Variants in YY1AP1 observed in about 807,000 individuals in gnomAD.
The protein encoded by YY1AP1 is YY1 associated protein 1.
In YY1AP1, 43 loss-of-function variants were observed where a neutral mutation model predicts 39.9. The observed-to-expected ratio is 1.08, with a 90% CI of 0.84 to 1.39. YY1AP1 has a LOEUF of 1.39. YY1AP1 is among the 40% of genes most tolerant of loss of function. The pLI, the probability that YY1AP1 is intolerant of heterozygous loss-of-function variation, is 0.00. For synonymous variants in YY1AP1, 292 were observed against 331.3 expected, an observed-to-expected ratio of 0.88 and a Z score of 1.29; for missense variants, 813 against 900.7, an observed-to-expected ratio of 0.90 and a Z score of 1.25.
intron 5 of YY1AP1, among the ~76,000 whole-genome samples, chr1:155,675,502 T>G (rs1650515478): frequency 6.6e-6 from 1 of 151,978 alleles, no homozygotes; most frequent in Non-Finnish European, 1.5e-5. Flanking sequence ...TAATTTTTTG[T>G]TTTCGTAGAG....
intron 2 of YY1AP1, among the ~76,000 whole-genome samples, chr1:155,684,953 G>C (rs1652018303): frequency 6.6e-6 from 1 of 152,112 alleles, no homozygotes; most frequent in Admixed American, 6.5e-5. Flanking sequence ...TGGGTAGTCT[G>C]TCAAATAGCT....
chr1:155,660,139 C>A lies in YY1AP1; in HGVS notation c.1771G>T (p.Ala591Ser). 1.2e-6 allele frequency: 2 copies of A among 1,614,006 alleles called. No individual in the cohort carries two copies. The highest frequency in any genetic ancestry group is 1.7e-6 in the Non-Finnish European group (2 of 1,179,930). Residue 591 changes from alanine to serine, a missense_variant, in exon 11 of 11, where the codon GCC becomes TCC. Around this residue, in one of 3 missense-constraint regions of YY1AP1, gnomAD observed 586 missense variants for 647.4 expected, o/e 0.91. Transcript: ENST00000355499. The stretch of plus-strand genomic sequence containing the variant: ...GAAGTAGGGTTAACCAAGAGGGTGG[C>A]GATGGGAATAGTCTGGGGACTCTGG... ...VAQSPQTIPI[A>S]TLLVNPTSFP...
chr1:155,680,567 A>C, intron 2 of YY1AP1, 111 bp from the exon 3 acceptor site: 1 of 916,050 alleles, frequency 1.1e-6, no homozygotes, highest in Non-Finnish European at 1.7e-6. Context: ...CGAATTCTTC[A>C]TATCTATCCT....
In YY1AP1 at chr1:155,679,399, A is replaced by G. The variant is rs1325316744; in HGVS notation, c.125+10T>C. The G allele has an allele frequency of 1.7e-5, 28 of 1,614,152 alleles. No individual in the cohort carries two copies. The Middle Eastern group carries it at 4.9e-4, about 29-fold the overall frequency. Reference sequence around the variant, plus strand: ...TCTATTCCAAATCTCAAGGTCTTCAACTAGCCTACCGTAGAGCTTGAGGGG... The same window carrying G: ...TCTATTCCAAATCTCAAGGTCTTCAGCTAGCCTACCGTAGAGCTTGAGGGG... On this transcript the variant is annotated intron_variant, in intron 4 of 10. Transcript: ENST00000355499.
At chr1:155,660,966 G>A (rs944691693) in intron 10 of YY1AP1, 53 bp from the exon 11 acceptor site, 17 of 1,612,420 alleles carry the variant, frequency 1.1e-5, no homozygotes, top group Non-Finnish European at 1.4e-5. Context: ...TTGGGAAAAA[G>A]AATAGGACTT....
In YY1AP1 at chr1:155,661,434, A is replaced by C; in HGVS notation, c.880-11T>G. 5 of 1,613,740 alleles carry C rather than the reference A, an allele frequency of 3.1e-6. No individual in the cohort carries two copies. The highest frequency in any genetic ancestry group is 4.2e-6 in the Non-Finnish European group (5 of 1,179,838). Reference sequence around the variant, plus strand: ...GGTCTTCTTATAAAACTTAACATGAAAAAAATGCGCATGAATTACATTCCT... The same window carrying C: ...GGTCTTCTTATAAAACTTAACATGACAAAAATGCGCATGAATTACATTCCT... On this transcript the variant is annotated splice_polypyrimidine_tract_variant and intron_variant, in intron 9 of 10. Transcript: ENST00000355499.
rs1488811127 is a variant in YY1AP1, at chr1:155,667,931, C to CAG, written c.879+695_879+696insCT. On this transcript the variant is annotated intron_variant, in intron 9 of 10. Transcript: ENST00000355499. ...ACATACATACATACATACATACATACATACAGACACAGACACACACAAACA... is the reference window on the plus strand; with the variant it reads ...ACATACATACATACATACATACATACAGATACAGACACAGACACACACAAACA... 1.5e-3 allele frequency among the ~76,000 whole-genome samples: 223 copies of CAG among 151,282 alleles called. 1 individual carries two copies. The highest frequency in any genetic ancestry group is 5.2e-3 in the African/African-American group (214 of 40,840).
In YY1AP1 at chr1:155,676,701, T is replaced by C. The variant is rs1311178231; in HGVS notation, c.171A>G (p.Ile57Met). ...TCAGCTGTTCAAATAGTTCCTTCGC[T>C]ATCTGATGTTGTTCATTTAGTAGGT... is the stretch of plus-strand genomic sequence containing the variant. ...LANLLNEQHQIAKELFEQLKM... is the reference protein window; with the variant it reads ...LANLLNEQHQMAKELFEQLKM... The change falls in exon 5 of 11, where the codon ATA becomes ATG. Residue 57 changes from isoleucine to methionine, a missense_variant. Coordinates refer to ENST00000355499, the MANE Select transcript of YY1AP1 (RefSeq NM_139119.3). 1.9e-6 allele frequency: 3 copies of C among 1,614,070 alleles called. No homozygotes were observed. In the South Asian group the frequency reaches 3.3e-5, roughly 18 times the overall value.
At chr1:155,667,482 A>T (rs1649181679) in intron 9 of YY1AP1, among the ~76,000 whole-genome samples, 1 of 151,394 alleles carries the variant, frequency 6.6e-6, no homozygotes, top group African/African-American at 2.4e-5. Context: ...AGGATGACAG[A>T]GTGAGAACCT....
intron 9 of YY1AP1, among the ~76,000 whole-genome samples, chr1:155,661,756 C>G (rs1369066534): frequency 6.6e-6 from 1 of 152,152 alleles, no homozygotes; most frequent in South Asian, 2.1e-4. Flanking sequence ...CCCAGGTTCA[C>G]GCCATTCTCC....
At chr1:155,664,654 G>A (rs1005617274) in intron 9 of YY1AP1, among the ~76,000 whole-genome samples, 5 of 151,540 alleles carry the variant, frequency 3.3e-5, no homozygotes, top group African/African-American at 9.7e-5. Context: ...GAACCCAGGA[G>A]GCAGAGGCTG....
Position 155,688,099 on chromosome 1 carries a change from A to G in YY1AP1, c.-49T>C, listed in dbSNP as rs76443098. Reference sequence around the variant, plus strand: ...GTCGGAGGCCGAGAGCGATGAGAGTACAGGGAAGTGAGGAAGAGGGGGTGG... The same window carrying G: ...GTCGGAGGCCGAGAGCGATGAGAGTGCAGGGAAGTGAGGAAGAGGGGGTGG... On this transcript the variant is annotated 5_prime_UTR_variant, in exon 2 of 11. Coordinates refer to ENST00000355499, the MANE Select transcript of YY1AP1 (RefSeq NM_139119.3). 3.4e-3 allele frequency: 5,436 copies of G among 1,607,686 alleles called. 175 individuals carry two copies. In the African/African-American group the frequency reaches 0.063, roughly 19 times the overall value.
intron 9 of YY1AP1, among the ~76,000 whole-genome samples, chr1:155,668,112 G>A (rs1029116513): frequency 1.6e-4 from 24 of 152,092 alleles, no homozygotes; most frequent in Admixed American, 6.6e-4. Context: ...GACCAGCCTG[G>A]CCAACATGGT....
intron 6 of YY1AP1, among the ~76,000 whole-genome samples, chr1:155,674,282 T>C (rs1267239058): frequency 6.6e-6 from 1 of 151,580 alleles, no homozygotes; most frequent in Non-Finnish European, 1.5e-5. Flanking sequence ...AACATCTACA[T>C]GTATATTTAC....
chr1:155,660,260 A>T lies in YY1AP1; in HGVS notation c.1650T>A (p.Pro550=). 6.2e-7 allele frequency: 1 copy of T among 1,614,234 alleles called. No homozygotes were observed. Among genetic ancestry groups the T allele is most frequent in the South Asian group, 1.1e-5 (1 of 91,084 alleles). The change falls in exon 11 of 11, where the codon CCT becomes CCA. Residue 550 remains proline (P), a synonymous_variant. Transcript: ENST00000355499. ...RCIKPAPVIH[P]ASVIFTVPAT... ...CAGGAACAGTGAAGATAACAGATGC[A>T]GGGTGGATAACAGGGGCAGGTTTGA... is the stretch of plus-strand genomic sequence containing the variant.
At chr1:155,661,153 G>A in intron 10 of YY1AP1, 154 bp downstream of exon 10, 1 of 1,572,562 alleles carries the variant, frequency 6.4e-7, no homozygotes. Flanking sequence ...CCCGGAGAAG[G>A]GCAGAAAAGT....
At chr1:155,674,934 G>T in intron 6 of YY1AP1, 76 bp downstream of exon 6, 1 of 1,331,858 alleles carries the variant, frequency 7.5e-7, no homozygotes, top group Non-Finnish European at 1.1e-6. Flanking sequence ...ATACCTGAGA[G>T]AATAACTGTG....
At position 155,676,754 on chromosome 1, in the gene YY1AP1, A is replaced by C; in HGVS notation, c.126-8T>G. 1 of 1,613,720 alleles carries C rather than the reference A, an allele frequency of 6.2e-7. No homozygotes were observed. The stretch of plus-strand genomic sequence containing the variant: ...GCCAGTAGTTCCTCAAACCTATCCC[A>C]AACGGGGATGACTGAATTTGAGTGT... On this transcript the variant is annotated splice_polypyrimidine_tract_variant and splice_region_variant and intron_variant, in intron 4 of 10. Coordinates refer to ENST00000355499, the MANE Select transcript of YY1AP1 (RefSeq NM_139119.3).
At chr1:155,686,173 C>A (rs1353822200) in intron 2 of YY1AP1, among the ~76,000 whole-genome samples, 2 of 151,420 alleles carry the variant, frequency 1.3e-5, no homozygotes, top group Non-Finnish European at 2.9e-5. Flanking sequence ...GTAGCTGGGA[C>A]TACAGGCGCC....
Sources: gnomAD v4.1 joint callset for allele counts (sites outside exome capture counted in the v4.1 genomes callset) on GRCh38, gnomAD v4.1.1 for gene constraint, gnomAD v4.1.1 regional missense constraint, MANE v1.5 for transcripts, NCBI Gene and HGNC (gene_info 2026-07-23, HGNC 2026-07-21) for gene names.